Variants in RP1 observed in about 807,000 individuals in gnomAD.
RP1 encodes RP1 axonemal microtubule associated.
In RP1, 16 loss-of-function variants were observed where a neutral mutation model predicts 14.8. The observed-to-expected ratio is 1.08, with a 90% CI of 0.73 to 1.65. The LOEUF is 1.65. Among genes scored for constraint, RP1 ranks in the 40% most tolerant of loss-of-function variants. The probability of loss-of-function intolerance (pLI) is 0.00; values close to 1 mark genes in which losing one functional copy is unlikely to be tolerated. For synonymous variants in RP1, 876 were observed against 883.6 expected, an observed-to-expected ratio of 0.99 and a Z score of 0.15; for missense variants, 2,631 against 2,535.0, an observed-to-expected ratio of 1.04 and a Z score of -0.81.
rs1220080702 is a variant in RP1, at chr8:54,628,692, T to C, written c.4810T>C (p.Tyr1604His). The C allele has an allele frequency of 1.2e-6, 2 of 1,614,034 alleles. No individual in the cohort carries two copies. Among genetic ancestry groups the C allele is most frequent in the Admixed American group, 1.7e-5 (1 of 60,014 alleles). ...YRPDSDSEQP[Y>H]KTSSDDPNDS... The stretch of plus-strand genomic sequence containing the variant: ...GCCTGACAGTGACAGTGAGCAGCCA[T>C]ATAAAACATCCAGTGATGATCCCAA... Residue 1604 changes from tyrosine (Y) to histidine (H), a missense_variant, in exon 4 of 4, where the codon TAT (tyrosine) becomes CAT (histidine). Tyr to His is a moderately conservative substitution (Grantham distance 83). Transcript: ENST00000220676.
intron 24 of RP1, among the ~76,000 whole-genome samples, chr8:54,824,372 G>GTAGA (rs755240608): frequency 3.9e-5 from 6 of 152,116 alleles, no homozygotes; most frequent in Non-Finnish European, 7.4e-5. Context: ...ATAGATTGAA[G>GTAGA]TAGATAATTT....
chr8:54,625,350 G>A lies in RP1; in HGVS notation c.1468G>A (p.Glu490Lys), dbSNP rs765035454. 3 of 1,614,138 alleles carry A rather than the reference G, an allele frequency of 1.9e-6. No individual in the cohort carries two copies. The highest frequency in any genetic ancestry group is 2.5e-6 in the Non-Finnish European group (3 of 1,180,032). The change falls in exon 4 of 4, where the codon GAA (glutamate) becomes AAA (lysine). Residue 490 changes from glutamate (E) to lysine (K), a missense_variant. Coordinates refer to ENST00000220676, the MANE Select transcript of RP1 (RefSeq NM_006269.2). ...ACAGTTTTCATATAGTGAAGAAAGGGAAAGTGGGGAAAACAAGTCTGAGTA... is the reference window on the plus strand; with the variant it reads ...ACAGTTTTCATATAGTGAAGAAAGGAAAAGTGGGGAAAACAAGTCTGAGTA... Reference protein sequence around the residue: ...IGQFSYSEERESGENKSEYHM... With the variant: ...IGQFSYSEERKSGENKSEYHM...
chr8:54,811,555 G>A (rs1810994941), intron 24 of RP1, among the ~76,000 whole-genome samples: 1 of 152,186 alleles, frequency 6.6e-6, no homozygotes, highest in Non-Finnish European at 1.5e-5. Context: ...TGGGAGGGAA[G>A]AAGTCGTGTC....
intron 3 of RP1, among the ~76,000 whole-genome samples, chr8:54,637,170 C>T (rs779162474): frequency 1.3e-5 from 2 of 152,130 alleles, no homozygotes; most frequent in Non-Finnish European, 2.9e-5. Context: ...TCATCTGGAT[C>T]AACAGATAGA....
At chr8:54,643,631 G>A (rs1806492471) in intron 3 of RP1, among the ~76,000 whole-genome samples, 1 of 152,158 alleles carries the variant, frequency 6.6e-6, no homozygotes, top group Non-Finnish European at 1.5e-5. Flanking sequence ...ACCACAAACT[G>A]AGTAACTTAA....
At chr8:54,637,973 C>T (rs886340674) in intron 3 of RP1, among the ~76,000 whole-genome samples, 1 of 152,148 alleles carries the variant, frequency 6.6e-6, no homozygotes, top group Non-Finnish European at 1.5e-5. Context: ...CTCTACCCAG[C>T]TCCCTCCTCA....
intron 12 of RP1, among the ~76,000 whole-genome samples, chr8:54,688,029 T>C (rs979623702): frequency 6.6e-6 from 1 of 152,218 alleles, no homozygotes; most frequent in Non-Finnish European, 1.5e-5. Flanking sequence ...TGGTATCTCA[T>C]TGTGGTTTTG....
upstream of RP1, among the ~76,000 whole-genome samples, chr8:54,611,885 C>T (rs1456012944): frequency 2.9e-5 from 4 of 137,358 alleles, no homozygotes; most frequent in Non-Finnish European, 4.7e-5. Flanking sequence ...CCCTCCCTCT[C>T]TCCCTTCCTT....
intron 15 of RP1, among the ~76,000 whole-genome samples, chr8:54,709,443 T>C (rs961619472): frequency 6.6e-6 from 1 of 152,116 alleles, no homozygotes; most frequent in South Asian, 2.1e-4. Context: ...TGAGCTGAGC[T>C]GAGCTGAGGC....
At position 54,629,361 on chromosome 8, in the gene RP1, T is replaced by G; in HGVS notation, c.5479T>G (p.Ser1827Ala). Reference protein sequence around the residue: ...NYFNMPHGSDSEPFHEDLLDV... With the variant: ...NYFNMPHGSDAEPFHEDLLDV... ...CTTTAACATGCCTCATGGTAGTGAC[T>G]CAGAACCTTTTCATGAGGACTTGCT... Residue 1827 changes from serine to alanine, a missense_variant, in exon 4 of 4, where the codon TCA becomes GCA. Physicochemically the swap from Ser to Ala is moderately conservative, Grantham distance 99. Coordinates refer to ENST00000220676, the MANE Select transcript of RP1 (RefSeq NM_006269.2). The G allele has an allele frequency of 6.2e-7, 1 of 1,614,126 alleles. No homozygotes were observed. Among genetic ancestry groups the G allele is most frequent in the South Asian group, 1.1e-5 (1 of 91,078 alleles).
chr8:54,695,730 G>A (rs1807843499), intron 12 of RP1, among the ~76,000 whole-genome samples: 1 of 152,122 alleles, frequency 6.6e-6, no homozygotes, highest in East Asian at 1.9e-4. Context: ...GAGAAGAACA[G>A]TGCTTTGTCC....
At chr8:54,824,195 T>C (rs1811329599) in intron 24 of RP1, among the ~76,000 whole-genome samples, 1 of 152,062 alleles carries the variant, frequency 6.6e-6, no homozygotes, top group Non-Finnish European at 1.5e-5. Context: ...AAAGAGAAGA[T>C]AAATTACTAA....
At chr8:54,600,419 C>T (rs928854169) in intron 1 of RP1, among the ~76,000 whole-genome samples, 2 of 152,122 alleles carry the variant, frequency 1.3e-5, no homozygotes, top group Non-Finnish European at 2.9e-5. Context: ...CCTTTGTGGT[C>T]TCATTTACCC....
rs115762807 is a variant in RP1 at position 54,712,343 on chromosome 8, T to C, written c.2211+5688T>C. 6.4e-3 allele frequency among the ~76,000 whole-genome samples: 978 copies of C among 152,284 alleles called. 8 individuals are homozygous for C. Among genetic ancestry groups the C allele is most frequent in the African/African-American group, 0.02 (841 of 41,558 alleles). Reference sequence around the variant, plus strand: ...GCTTAAAATACTCACTGTGCCAAGATGCCATATTTTAGGGTAGTGTTTCCT... The same window carrying C: ...GCTTAAAATACTCACTGTGCCAAGACGCCATATTTTAGGGTAGTGTTTCCT... On this transcript the variant is annotated intron_variant, in intron 15 of 22. Transcript: ENST00000636932.
Position 54,626,702 on chromosome 8 carries a change from T to C in RP1, c.2820T>C (p.Asn940=). The change falls in exon 4 of 4, where the codon AAT becomes AAC. Residue 940 remains asparagine, a synonymous_variant. Coordinates refer to ENST00000220676, the MANE Select transcript of RP1 (RefSeq NM_006269.2). ...KPIKSAPVCR[N]ETSVVNCSNN... ...TAAAATCAGCTCCAGTATGTAGAAA[T>C]GAAACGAGTGTGGTAAATTGTAGCA... 6.2e-7 allele frequency: 1 copy of C among 1,613,922 alleles called. No individual in the cohort carries two copies. Among genetic ancestry groups the C allele is most frequent in the East Asian group, 2.2e-5 (1 of 44,834 alleles).
At chr8:54,699,227 G>A (rs1358276291) in intron 12 of RP1, among the ~76,000 whole-genome samples, 1 of 151,652 alleles carries the variant, frequency 6.6e-6, no homozygotes, top group Non-Finnish European at 1.5e-5. Flanking sequence ...ATAGGTCATG[G>A]ATCAAGGAAT....
chr8:54,604,858 TG>T lies in RP1; in HGVS notation c.-12-16096del. 2.0e-5 allele frequency among the ~76,000 whole-genome samples: 3 copies of T among 152,352 alleles called. 1 individual carries two copies. In the East Asian group the frequency reaches 5.8e-4, roughly 29 times the overall value. On this transcript the variant is annotated intron_variant, in intron 1 of 22. Transcript: ENST00000636932. The stretch of plus-strand genomic sequence containing the variant: ...TTTATAGTATTCTCTGATGGTAGTT[TG>T]TATTTCTGTGGGATCGGCGGTGATA...
chr8:54,559,841 A>G (rs1302216448), intron 1 of RP1, among the ~76,000 whole-genome samples: 1 of 152,178 alleles, frequency 6.6e-6, no homozygotes, highest in East Asian at 1.9e-4. Context: ...AGACTGAGAA[A>G]GGCCACAGCA....
chr8:54,825,236 G>T (rs1264761837), intron 24 of RP1, among the ~76,000 whole-genome samples: 1 of 152,158 alleles, frequency 6.6e-6, no homozygotes, highest in Non-Finnish European at 1.5e-5. Flanking sequence ...TGGGATTACA[G>T]GCGTGAGTCA....
Sources: allele counts gnomAD v4.1 joint callset (sites outside exome capture counted in the v4.1 genomes callset), GRCh38; gene constraint gnomAD v4.1.1; transcripts MANE v1.5; gene names NCBI Gene and HGNC (gene_info 2026-07-23, HGNC 2026-07-21).